Variants in PDZD2 observed in about 807,000 individuals in gnomAD.
The protein encoded by PDZD2 is PDZ domain-containing protein 2.
Under a neutral mutation model 220.7 loss-of-function variants are expected in PDZD2, and 90 were observed. That is an observed-to-expected ratio of 0.41 (90% CI 0.34 to 0.49). PDZD2 has a LOEUF of 0.49. Ranked by LOEUF, PDZD2 falls within the 20% of genes least tolerant of loss-of-function variation. The pLI is 0.28. For missense variants in PDZD2, 3,174 were observed against 3,608.5 expected (o/e 0.88, Z 3.08); for synonymous variants, 1,375 against 1,450.5 (o/e 0.95, Z 1.18).
chr5:31,806,736 G>A (rs747983506), intron 2 of PDZD2, among the ~76,000 whole-genome samples: 2 of 152,102 alleles, frequency 1.3e-5, no homozygotes, highest in Non-Finnish European at 2.9e-5. Context: ...ACTTTGTAAC[G>A]CCAGTCACTT....
intron 2 of PDZD2, among the ~76,000 whole-genome samples, chr5:31,876,298 T>C (rs201014213): frequency 5.8e-5 from 2 of 34,274 alleles, no homozygotes; most frequent in African/African-American, 5.4e-4. Flanking sequence ...ATTTTTTTTC[T>C]TTTTTTTTTT....
At chr5:31,672,999 G>A (rs1266772977) in intron 1 of PDZD2, among the ~76,000 whole-genome samples, 1 of 152,156 alleles carries the variant, frequency 6.6e-6, no homozygotes, top group Non-Finnish European at 1.5e-5. Context: ...ACATTCTTAG[G>A]AGACCTTTTT....
In PDZD2 at chr5:32,089,661, T is replaced by C. The variant is rs779937510; in HGVS notation, c.6213T>C (p.Thr2071=). 40 of 1,613,962 alleles carry C rather than the reference T, an allele frequency of 2.5e-5. No individual in the cohort carries two copies. The East Asian group carries it at 7.1e-4, about 29-fold the overall frequency. Residue 2071 remains threonine (T), a synonymous_variant, in exon 20 of 25, where the codon ACT becomes ACC. Coordinates refer to ENST00000438447, the MANE Select transcript of PDZD2 (RefSeq NM_178140.4). ...VAADTAQPRP[T]GEKGGNIMAS... ...CAGACACAGCCCAACCCAGGCCGAC[T>C]GGCGAAAAAGGAGGCAACATAATGG...
intron 6 of PDZD2, among the ~76,000 whole-genome samples, chr5:32,014,640 C>T (rs1205701948): frequency 7.0e-6 from 1 of 142,084 alleles, no homozygotes; most frequent in Admixed American, 7.3e-5. Context: ...ACCCATGGCC[C>T]TGTTCTACCT....
Position 32,087,796 on chromosome 5 carries a change from G to A in PDZD2, c.4348G>A (p.Gly1450Ser). ...TCCGTCTTCCCAGACGGGGGACAGT[G>A]GCTCTCAGGAGGGCAGTGCTCAGGG... The part of the protein sequence containing the change: ...RSPSSQTGDS[G>S]SQEGSAQGHP... The change falls in exon 20 of 25, where the codon GGC (glycine) becomes AGC (serine). Residue 1450 changes from glycine to serine, a missense_variant. Around this residue, in one of 4 missense-constraint regions of PDZD2, gnomAD observed 1,861 missense variants for 2,001.0 expected, o/e 0.93. Transcript: ENST00000438447. The surrounding 1 kb of genome is among the most constrained non-coding windows in gnomAD (Gnocchi z 4.0). 6.2e-7 allele frequency: 1 copy of A among 1,613,666 alleles called. No individual in the cohort carries two copies. Among genetic ancestry groups the A allele is most frequent in the Non-Finnish European group, 8.5e-7 (1 of 1,179,924 alleles).
At chr5:32,059,396 C>G (rs1367695493) in intron 13 of PDZD2, 40 bp downstream of exon 13, 1 of 1,018,878 alleles carries the variant, frequency 9.8e-7, no homozygotes, top group Non-Finnish European at 1.5e-6. Context: ...CTGGAGTGTT[C>G]ATAAATATGA....
intron 1 of PDZD2, among the ~76,000 whole-genome samples, chr5:31,667,135 C>T (rs919327689): frequency 1.4e-5 from 2 of 147,366 alleles, no homozygotes; most frequent in African/African-American, 2.5e-5. Flanking sequence ...ACTCAGGAGG[C>T]TGAGGCAGGA....
intron 2 of PDZD2, among the ~76,000 whole-genome samples, chr5:31,972,098 C>T (rs1749349897): frequency 6.6e-6 from 1 of 152,196 alleles, no homozygotes. Flanking sequence ...CAACCCTTTG[C>T]ATGCTGGAAC....
chr5:32,090,738 A>G lies in PDZD2; in HGVS notation c.7290A>G (p.Pro2430=). ...CACTGACCATCTCTCGGCAGAACCC[A>G]CCAGAGACCAGTAGCAAGGGCTCTG... ...IMTLTISRQN[P]PETSSKGSDS... Residue 2430 remains proline (P), a synonymous_variant, in exon 20 of 25, where the codon CCA becomes CCG. Transcript: ENST00000438447. This position sits in a 1 kb window ranked among gnomAD's most constrained non-coding sequence, Gnocchi z 4.3. The G allele has an allele frequency of 1.9e-6, 3 of 1,614,066 alleles. No individual in the cohort carries two copies. Among genetic ancestry groups the G allele is most frequent in the Non-Finnish European group, 2.5e-6 (3 of 1,180,004 alleles).
At position 31,880,947 on chromosome 5, in the gene PDZD2, G is replaced by A. The variant is rs557469036; in HGVS notation, c.476+81223G>A. Among the ~76,000 whole-genome samples, 62 of 151,078 alleles carry A rather than the reference G, an allele frequency of 4.1e-4. No individual in the cohort carries two copies. In the South Asian group the frequency reaches 0.013, roughly 31 times the overall value. On this transcript the variant is annotated intron_variant, in intron 2 of 24. Coordinates refer to ENST00000438447, the MANE Select transcript of PDZD2 (RefSeq NM_178140.4). ...CTCCCGAGTAGCTGGGATTACAGGCGCCTACCACCATGCCCGGCTAATTTC... is the reference window on the plus strand; with the variant it reads ...CTCCCGAGTAGCTGGGATTACAGGCACCTACCACCATGCCCGGCTAATTTC...
rs1223433016 is a variant in PDZD2 at position 31,677,594 on chromosome 5, C to T, written c.-361+38157C>T. Among the ~76,000 whole-genome samples, 4 of 1,652 alleles carry T rather than the reference C, an allele frequency of 2.4e-3. 2 individuals carry two copies. Among genetic ancestry groups the T allele is most frequent in the African/African-American group, 3.3e-3 (4 of 1,226 alleles). 1.1% of individuals were successfully genotyped at this position (1,652 alleles called of 152,430 possible). On this transcript the variant is annotated intron_variant, in intron 1 of 24. Coordinates refer to ENST00000438447, the MANE Select transcript of PDZD2 (RefSeq NM_178140.4). Reference sequence around the variant, plus strand: ...TTGCGCCACTGCACTCCAGCCTGGGCGACAGAGCGAGACTCCGTCTTAAAA... The same window carrying T: ...TTGCGCCACTGCACTCCAGCCTGGGTGACAGAGCGAGACTCCGTCTTAAAA...
chr5:31,982,382 A>T (rs745672276), intron 2 of PDZD2, among the ~76,000 whole-genome samples: 2 of 152,152 alleles, frequency 1.3e-5, no homozygotes, highest in Non-Finnish European at 2.9e-5. Context: ...ATCTCGGTTC[A>T]CTGCAGCCTC....
intron 1 of PDZD2, among the ~76,000 whole-genome samples, chr5:31,723,090 T>TAC (rs1364339513): frequency 6.6e-6 from 1 of 152,258 alleles, no homozygotes; most frequent in Non-Finnish European, 1.5e-5. Context: ...ACATGAACAT[T>TAC]AACTGAAAAC....
rs180962515 is a variant in PDZD2, at chr5:32,083,145, G to A, written c.3683-3986G>A. 3.3e-4 allele frequency among the ~76,000 whole-genome samples: 49 copies of A among 149,838 alleles called. No individual in the cohort carries two copies. The highest frequency in any genetic ancestry group is 6.7e-4 in the Admixed American group (10 of 14,982). On this transcript the variant is annotated intron_variant, in intron 19 of 24. Transcript: ENST00000438447. This position sits in a 1 kb window ranked among gnomAD's most constrained non-coding sequence, Gnocchi z 4.1. ...GGTCTGTATCATTTGAGTCTTGTGC[G>A]TATATGGGTGTGAATAAATATATAG...
At chr5:32,057,125 A>G (rs892051215) in intron 10 of PDZD2, among the ~76,000 whole-genome samples, 2 of 152,144 alleles carry the variant, frequency 1.3e-5, no homozygotes, top group African/African-American at 4.8e-5. Flanking sequence ...TTTAGTAAAA[A>G]AAAGACTGTT....
intron 1 of PDZD2, among the ~76,000 whole-genome samples, chr5:31,650,854 CTGA>C (rs1294059189): frequency 6.6e-6 from 1 of 152,182 alleles, no homozygotes; most frequent in African/African-American, 2.4e-5. Context: ...TTCTTCCTAG[CTGA>C]TAAGAGCCCT....
intron 2 of PDZD2, among the ~76,000 whole-genome samples, chr5:31,981,953 G>A (rs914903130): frequency 6.6e-6 from 1 of 152,166 alleles, no homozygotes; most frequent in Admixed American, 6.5e-5. Flanking sequence ...CAGTTATCAT[G>A]TCATGCTTCA....
intron 1 of PDZD2, among the ~76,000 whole-genome samples, chr5:31,769,207 T>G (rs11739450): frequency 6.6e-6 from 1 of 152,014 alleles, no homozygotes; most frequent in African/African-American, 2.4e-5. Context: ...ACTGACCAGA[T>G]AGCCCGAAGG....
At chr5:31,807,641 T>C (rs1471350030) in intron 2 of PDZD2, among the ~76,000 whole-genome samples, 3 of 152,146 alleles carry the variant, frequency 2.0e-5, no homozygotes, top group Non-Finnish European at 4.4e-5. Context: ...CATTCCAATA[T>C]TGAGCGAGTG....
Sources: allele counts gnomAD v4.1 joint callset (sites outside exome capture counted in the v4.1 genomes callset), GRCh38; gene constraint gnomAD v4.1.1; regional missense constraint gnomAD v4.1.1; non-coding constraint Gnocchi (gnomAD v3.1); transcripts MANE v1.5; gene names NCBI Gene and HGNC (gene_info 2026-07-23, HGNC 2026-07-21).